The following ENOX1 variants were observed in gnomAD, a reference collection of about 807,000 sequenced individuals.
The protein encoded by ENOX1 is candidate growth-related and time keeping constitutive hydroquinone (NADH) oxidase.
In ENOX1, 42 loss-of-function variants were observed where a neutral mutation model predicts 82.5. The ratio of observed to expected loss-of-function variants is 0.51; its 90% CI spans 0.40 to 0.66. ENOX1 has a LOEUF of 0.66. Ranked by LOEUF, ENOX1 falls within the 30% of genes least tolerant of loss-of-function variation. The pLI is 0.00. For synonymous variants in ENOX1, 271 were observed against 282.2 expected (o/e 0.96, Z 0.40); for missense variants, 608 against 811.6 (o/e 0.75, Z 3.05).
chr13:43,216,529 C>T (rs953665762), intron 16 of ENOX1, among the ~76,000 whole-genome samples: 1 of 152,070 alleles, frequency 6.6e-6, no homozygotes, highest in Admixed American at 6.5e-5. Flanking sequence ...TTTTTTAAGC[C>T]TCATGAGACC....
chr13:43,695,442 ATTTTTTTTTT>A (rs146985894), intron 1 of ENOX1, among the ~76,000 whole-genome samples: 6 of 94,666 alleles, frequency 6.3e-5, no homozygotes, highest in Non-Finnish European at 8.6e-5. Context: ...AAAAAATCTA[ATTTTTTTTTT>A]TTTTTTTTTT....
chr13:43,637,321 C>A (rs1003886095), intron 2 of ENOX1, among the ~76,000 whole-genome samples: 2 of 152,148 alleles, frequency 1.3e-5, no homozygotes, highest in African/African-American at 4.8e-5. Flanking sequence ...TAAGACTTTA[C>A]AAAGTTTCCT....
intron 1 of ENOX1, among the ~76,000 whole-genome samples, chr13:43,707,889 G>A (rs2087421287): frequency 6.6e-6 from 1 of 152,148 alleles, no homozygotes; most frequent in Non-Finnish European, 1.5e-5. Context: ...ATATGTATGT[G>A]GACATATATT....
At position 43,726,409 on chromosome 13, in the gene ENOX1, G is replaced by A. The variant is rs183254825; in HGVS notation, c.-284-58865C>T. Among the ~76,000 whole-genome samples the A allele has an allele frequency of 8.7e-4, 133 of 152,068 alleles. 3 individuals carry two copies. Among genetic ancestry groups the A allele is most frequent in the African/African-American group, 3.1e-3 (127 of 41,476 alleles). ...TTTTTGTATTTTTAGTAGAGACAGG[G>A]TTTCACCATGTTGACCAGGCTGGTC... On this transcript the variant is annotated intron_variant, in intron 1 of 16. Coordinates refer to ENST00000690772, the MANE Select transcript of ENOX1 (RefSeq NM_001347969.2).
intron 1 of ENOX1, among the ~76,000 whole-genome samples, chr13:43,733,453 G>A (rs1216478462): frequency 6.6e-6 from 1 of 152,162 alleles, no homozygotes; most frequent in Non-Finnish European, 1.5e-5. Context: ...TTACAAACAT[G>A]TCAGAAGCAT....
At chr13:43,707,757 C>CAAAAAAAA (rs1566805007) in intron 1 of ENOX1, among the ~76,000 whole-genome samples, 1 of 42,950 alleles carries the variant, frequency 2.3e-5, no homozygotes, top group Non-Finnish European at 4.6e-5. Context: ...AAAAAAAAAA[C>CAAAAAAAA]CAAGAACAAA....
chr13:43,570,233 A>G (rs1180299664), intron 2 of ENOX1, among the ~76,000 whole-genome samples: 1 of 152,246 alleles, frequency 6.6e-6, no homozygotes, highest in Admixed American at 6.5e-5. Context: ...GATGTACCAC[A>G]GAAGAAATTA....
At chr13:43,603,652 C>T (rs2081843290) in intron 2 of ENOX1, among the ~76,000 whole-genome samples, 1 of 140,554 alleles carries the variant, frequency 7.1e-6, no homozygotes, top group Non-Finnish European at 1.5e-5. Context: ...GTTTTTTGTT[C>T]TTGCAATAGT....
At chr13:43,215,488 C>T (rs2041423265) in intron 16 of ENOX1, among the ~76,000 whole-genome samples, 1 of 152,184 alleles carries the variant, frequency 6.6e-6, no homozygotes, top group African/African-American at 2.4e-5. Flanking sequence ...TTTCAGTCAC[C>T]ACCAGTGTTC....
intron 14 of ENOX1, among the ~76,000 whole-genome samples, chr13:43,258,546 T>C (rs987729816): frequency 1.3e-5 from 2 of 152,154 alleles, no homozygotes; most frequent in African/African-American, 2.4e-5. Context: ...GAGCATTTAA[T>C]ATGTGGACAG....
At chr13:43,683,185 C>T (rs1161321291) in intron 1 of ENOX1, among the ~76,000 whole-genome samples, 1 of 152,114 alleles carries the variant, frequency 6.6e-6, no homozygotes, top group East Asian at 1.9e-4. Flanking sequence ...GGTTCTGGCA[C>T]TTGTCAAGCA....
At chr13:43,579,578 T>C (rs1159388826) in intron 2 of ENOX1, among the ~76,000 whole-genome samples, 2 of 152,182 alleles carry the variant, frequency 1.3e-5, no homozygotes, top group African/African-American at 4.8e-5. Flanking sequence ...TCTTTCACTA[T>C]CCATGTCTAT....
chr13:43,733,845 CTAATA>C (rs1186397605), intron 1 of ENOX1, among the ~76,000 whole-genome samples: 2 of 152,104 alleles, frequency 1.3e-5, no homozygotes, highest in South Asian at 2.1e-4. Context: ...CAGCCCTAAT[CTAATA>C]TGACTGGTAA....
chr13:43,664,037 A>G (rs2084858149), intron 2 of ENOX1, among the ~76,000 whole-genome samples: 1 of 152,216 alleles, frequency 6.6e-6, no homozygotes, highest in South Asian at 2.1e-4. Context: ...TGATTTGTGT[A>G]CAAAAATTTT....
chr13:43,295,912 A>C (rs1480217408), intron 12 of ENOX1, among the ~76,000 whole-genome samples: 7 of 152,138 alleles, frequency 4.6e-5, no homozygotes, highest in Non-Finnish European at 8.8e-5. Flanking sequence ...ACCAGTAAAC[A>C]TTAACATCAT....
intron 2 of ENOX1, among the ~76,000 whole-genome samples, chr13:43,524,781 C>T (rs1251135151): frequency 1.3e-5 from 2 of 152,100 alleles, no homozygotes; most frequent in African/African-American, 2.4e-5. Context: ...TCAAAGAGTG[C>T]TTCTACAACT....
intron 5 of ENOX1, among the ~76,000 whole-genome samples, chr13:43,363,600 T>C (rs747126840): frequency 1.3e-5 from 2 of 152,232 alleles, no homozygotes; most frequent in Non-Finnish European, 2.9e-5. Flanking sequence ...TTTAATCTCA[T>C]TCCGTACATC....
At chr13:43,586,622 C>T (rs996389062) in intron 2 of ENOX1, among the ~76,000 whole-genome samples, 1 of 152,208 alleles carries the variant, frequency 6.6e-6, no homozygotes, top group African/African-American at 2.4e-5. Flanking sequence ...CTCATAACCG[C>T]TAGCCTACCT....
Position 43,667,487 on chromosome 13 carries a change from G to A in ENOX1, c.-227C>T, listed in dbSNP as rs2085039168. 4 of 985,490 alleles carry A rather than the reference G, an allele frequency of 4.1e-6. No homozygotes were observed. The highest frequency in any genetic ancestry group is 4.8e-6 in the Non-Finnish European group (4 of 829,908). 61.0% of individuals were successfully genotyped at this position (985,490 alleles called of 1,614,324 possible). On this transcript the variant is annotated 5_prime_UTR_variant, in exon 2 of 17. Transcript: ENST00000690772. The stretch of plus-strand genomic sequence containing the variant: ...ACATACCATCCCTTTACCTGAGCAT[G>A]GTGAGCTCTCTCTCCTCCACATATT...
Sources: gnomAD v4.1 joint callset for allele counts (sites outside exome capture counted in the v4.1 genomes callset) on GRCh38, gnomAD v4.1.1 for gene constraint, MANE v1.5 for transcripts, NCBI Gene and HGNC (gene_info 2026-07-23, HGNC 2026-07-21) for gene names.